PLA2G2F: variants seen among roughly 807,000 people sequenced by gnomAD.
The protein encoded by PLA2G2F is phospholipase A2 group IIF.
Under a neutral mutation model 15.9 loss-of-function variants are expected in PLA2G2F, and 17 were observed. The observed-to-expected ratio is 1.07, with a 90% CI of 0.73 to 1.60. The LOEUF (loss-of-function observed/expected upper bound fraction) is 1.60. PLA2G2F is among the 40% of genes most tolerant of loss of function. The pLI is 0.00. For synonymous variants in PLA2G2F, 119 were observed against 106.5 expected (o/e 1.12, Z -0.72); for missense variants, 299 against 278.2 (o/e 1.07, Z -0.53).
rs1490064444 is a variant in PLA2G2F at position 20,145,857 on chromosome 1, T to G, written c.424+1168T>G. ...AACTCCTGGCCTCCAGCAATCCTAC[T>G]TCTGCTTCCCAAAGTGCTGGGATTA... On this transcript the variant is annotated intron_variant, in intron 4 of 4. Coordinates refer to ENST00000375102, the MANE Select transcript of PLA2G2F (RefSeq NM_022819.4). Among the ~76,000 whole-genome samples, 20 of 151,136 alleles carry G rather than the reference T, an allele frequency of 1.3e-4. 1 individual carries two copies. The highest frequency in any genetic ancestry group is 1.5e-5 in the Non-Finnish European group (1 of 67,754).
chr1:20,140,105 G>T, intron 1 of PLA2G2F, 61 bp from the exon 2 acceptor site: 1 of 1,564,424 alleles, frequency 6.4e-7, no homozygotes, highest in Non-Finnish European at 8.8e-7. Context: ...GGGAGCAGCA[G>T]GTCCAACACT....
In PLA2G2F at chr1:20,148,884, C is replaced by T. The variant is rs902873914; in HGVS notation, c.*483C>T. 15 of 169,248 alleles carry T rather than the reference C, an allele frequency of 8.9e-5. No individual in the cohort carries two copies. The East Asian group carries it at 2.4e-3, about 27-fold the overall frequency. The allele number at this position is 169,248 out of a possible 1,614,324, so 10.5% of individuals were successfully genotyped here. ...TCCGGGAGCCCCTCAGCTGATCCCA[C>T]AGGATGGCCTGGGGTGGTGGCTACT... On this transcript the variant is annotated 3_prime_UTR_variant, in exon 5 of 5. Coordinates refer to ENST00000375102, the MANE Select transcript of PLA2G2F (RefSeq NM_022819.4).
Position 20,148,542 on chromosome 1 carries a change from T to A in PLA2G2F, c.*141T>A, listed in dbSNP as rs2017663093. 1.5e-6 allele frequency: 1 copy of A among 677,682 alleles called. No individual in the cohort carries two copies. 42.0% of individuals were successfully genotyped at this position (677,682 alleles called of 1,614,324 possible). A position where few individuals can be genotyped will look rare whatever the true frequency, so the allele number is the denominator to read the frequency against. On this transcript the variant is annotated 3_prime_UTR_variant, in exon 5 of 5. Coordinates refer to ENST00000375102, the MANE Select transcript of PLA2G2F (RefSeq NM_022819.4). ...TGGAGCTCTCCAGTGAGGGCTCAGCTCTCAGAGGACTCAGGAAGGCCTGGG... is the reference window on the plus strand; with the variant it reads ...TGGAGCTCTCCAGTGAGGGCTCAGCACTCAGAGGACTCAGGAAGGCCTGGG...
intron 2 of PLA2G2F, chr1:20,142,037 C>T (rs951637833): frequency 6.6e-6 from 1 of 152,276 alleles, no homozygotes; most frequent in African/African-American, 2.4e-5. Context: ...TGTCGGACAC[C>T]ATGTCTCTGG....
At chr1:20,143,368 C>A in intron 2 of PLA2G2F, 78 bp from the exon 3 acceptor site, 1 of 1,554,288 alleles carries the variant, frequency 6.4e-7, no homozygotes, top group Non-Finnish European at 8.8e-7. Flanking sequence ...ATGGTCAGTC[C>A]AGACTCTCAG....
At chr1:20,143,729 GA>G in intron 3 of PLA2G2F, 139 bp downstream of exon 3, 1 of 1,093,072 alleles carries the variant, frequency 9.1e-7, no homozygotes, top group Non-Finnish European at 1.3e-6. Context: ...TTGGTGACCA[GA>G]GCCTGGTCTT....
intron 2 of PLA2G2F, 126 bp from the exon 3 acceptor site, chr1:20,143,320 T>C (rs954189129): frequency 7.9e-7 from 1 of 1,267,806 alleles, no homozygotes; most frequent in Non-Finnish European, 1.1e-6. Flanking sequence ...TCTCCTGCTT[T>C]CTCCTTCCTT....
At chr1:20,144,770 C>A in intron 4 of PLA2G2F, 81 bp downstream of exon 4, 1 of 1,247,502 alleles carries the variant, frequency 8.0e-7, no homozygotes, top group Non-Finnish European at 1.1e-6. Flanking sequence ...GGTGGACAGG[C>A]TTGCCAGATT....
chr1:20,148,064 G>A (rs981517257), intron 4 of PLA2G2F, 126 bp from the exon 5 acceptor site: 8 of 795,244 alleles, frequency 1.0e-5, no homozygotes, highest in African/African-American at 1.7e-5. Context: ...TGGTCCTGCC[G>A]CCCAGGTAAC....
rs375790432 is a variant in PLA2G2F, at chr1:20,139,399, T to A, written c.-29T>A. On this transcript the variant is annotated 5_prime_UTR_variant, in exon 1 of 5. Transcript: ENST00000375102. ...AGCGCATCTCAGACCTTCTGAGACC[T>A]ATGTTGCTGGCCCCCCAGAACCCGC... The A allele has an allele frequency of 2.6e-6, 4 of 1,515,526 alleles. No homozygotes were observed. The highest frequency in any genetic ancestry group is 3.6e-6 in the Non-Finnish European group (4 of 1,114,180). The allele number at this position is 1,515,526 out of a possible 1,614,324, so 93.9% of individuals were successfully genotyped here.
Position 20,144,595 on chromosome 1 carries a change from C to G in PLA2G2F, c.330C>G (p.His110Gln). 6.2e-7 allele frequency: 1 copy of G among 1,610,900 alleles called. No individual in the cohort carries two copies. The highest frequency in any genetic ancestry group is 8.5e-7 in the Non-Finnish European group (1 of 1,178,524). Reference sequence around the variant, plus strand: ...CGCTCCCTAGGTGCTGCCACGCCCACGACTGCTGCTACCAGGAACTCTTTG... The same window carrying G: ...CGCTCCCTAGGTGCTGCCACGCCCAGGACTGCTGCTACCAGGAACTCTTTG... ...KDEVDWCCHA[H>Q]DCCYQELFDQ... The change falls in exon 4 of 5, where the codon CAC becomes CAG. Residue 110 changes from histidine to glutamine, a missense_variant. Transcript: ENST00000375102.
intron 4 of PLA2G2F, among the ~76,000 whole-genome samples, chr1:20,145,856 C>T (rs759808084): frequency 1.3e-5 from 2 of 152,194 alleles, no homozygotes; most frequent in African/African-American, 2.4e-5. Context: ...AGCAATCCTA[C>T]TTCTGCTTCC....
At position 20,144,679 on chromosome 1, in the gene PLA2G2F, G is replaced by C. The variant is rs988928216; in HGVS notation, c.414G>C (p.Glu138Asp). Residue 138 changes from glutamate to aspartate, a missense_variant, in exon 4 of 5, where the codon GAG becomes GAC. Glu to Asp is a conservative substitution (Grantham distance 45). Transcript: ENST00000375102. Reference sequence around the variant, plus strand: ...ATCACACCATCGAGAACAACACTGAGATAGTCTGCAGTGAGTCCCTCCCCT... The same window carrying C: ...ATCACACCATCGAGAACAACACTGACATAGTCTGCAGTGAGTCCCTCCCCT... ...HYDHTIENNT[E>D]IVCSDLNKTE... 6.2e-7 allele frequency: 1 copy of C among 1,604,512 alleles called. No individual in the cohort carries two copies. Among genetic ancestry groups the C allele is most frequent in the African/African-American group, 1.3e-5 (1 of 74,852 alleles).
chr1:20,146,262 C>T (rs887300243), intron 4 of PLA2G2F, among the ~76,000 whole-genome samples: 1 of 152,192 alleles, frequency 6.6e-6, no homozygotes, highest in African/African-American at 2.4e-5. Context: ...CAGCTCCTTC[C>T]CCATCTGGCC....
chr1:20,144,087 GC>G (rs2100694094), intron 3 of PLA2G2F: 1 of 182,988 alleles, frequency 5.5e-6, no homozygotes, highest in Non-Finnish European at 1.1e-5. Context: ...CTGACTTCAC[GC>G]CCCCAGAGGT....
At chr1:20,146,998 A>G (rs2017627475) in intron 4 of PLA2G2F, among the ~76,000 whole-genome samples, 1 of 152,148 alleles carries the variant, frequency 6.6e-6, no homozygotes, top group South Asian at 2.1e-4. Flanking sequence ...ACTTTAGTGT[A>G]TTTTATCATT....
In PLA2G2F at chr1:20,148,512, C is replaced by T; in HGVS notation, c.*111C>T. 2 of 836,540 alleles carry T rather than the reference C, an allele frequency of 2.4e-6. No individual in the cohort carries two copies. The highest frequency in any genetic ancestry group is 3.3e-5 in the South Asian group (2 of 61,004). 51.8% of individuals were successfully genotyped at this position (836,540 alleles called of 1,614,324 possible). A position where few individuals can be genotyped will look rare whatever the true frequency, so the allele number is the denominator to read the frequency against. ...GAGCCTGAGGGTTGCTGGTTGCCTCCTCCCTGGAGCTCTCCAGTGAGGGCT... is the reference window on the plus strand; with the variant it reads ...GAGCCTGAGGGTTGCTGGTTGCCTCTTCCCTGGAGCTCTCCAGTGAGGGCT... On this transcript the variant is annotated 3_prime_UTR_variant, in exon 5 of 5. Coordinates refer to ENST00000375102, the MANE Select transcript of PLA2G2F (RefSeq NM_022819.4).
At chr1:20,146,625 A>G (rs2017613942) in intron 4 of PLA2G2F, among the ~76,000 whole-genome samples, 1 of 152,270 alleles carries the variant, frequency 6.6e-6, no homozygotes, top group African/African-American at 2.4e-5. Context: ...ACCTGGTGGT[A>G]CCAGTTGTTG....
In PLA2G2F at chr1:20,144,241, G is replaced by A. The variant is rs575664459; in HGVS notation, c.315-339G>A. Among the ~76,000 whole-genome samples, 65 of 152,254 alleles carry A rather than the reference G, an allele frequency of 4.3e-4. No homozygotes were observed. The South Asian group carries it at 9.8e-3, about 23-fold the overall frequency. Reference sequence around the variant, plus strand: ...CAGTCGACGCTCCTCCAACCTTGACGTAAACCTAGGCAGGTCCCTGACTCC... The same window carrying A: ...CAGTCGACGCTCCTCCAACCTTGACATAAACCTAGGCAGGTCCCTGACTCC... On this transcript the variant is annotated intron_variant, in intron 3 of 4. Coordinates refer to ENST00000375102, the MANE Select transcript of PLA2G2F (RefSeq NM_022819.4).
Sources: gnomAD v4.1 joint callset for allele counts (sites outside exome capture counted in the v4.1 genomes callset) on GRCh38, gnomAD v4.1.1 for gene constraint, MANE v1.5 for transcripts, NCBI Gene and HGNC (gene_info 2026-07-23, HGNC 2026-07-21) for gene names.